Variants in TYMS observed in about 807,000 individuals in gnomAD.
TYMS encodes thymidylate synthase.
TYMS carries 21 observed loss-of-function variants against 39.3 expected under a neutral mutation model. That is an observed-to-expected ratio of 0.54 (90% CI 0.38 to 0.77). The LOEUF is 0.77. Among genes scored for constraint, TYMS ranks in the 30% least tolerant of loss-of-function variants. The probability of loss-of-function intolerance (pLI) is 0.00; values close to 1 mark genes in which losing one functional copy is unlikely to be tolerated. For missense variants in TYMS, 273 were observed against 406.7 expected (o/e 0.67, Z 2.83); for synonymous variants, 171 against 162.2 (o/e 1.05, Z -0.41).
Position 657,689 on chromosome 18 carries a change from TGCCTCCGTCCCGCCGCGCCACTTC to T in TYMS, c.-49_-26del, listed in dbSNP as rs1311548568. The T allele has an allele frequency of 1.5e-4, 193 of 1,249,304 alleles. No individual in the cohort carries two copies. Among genetic ancestry groups the T allele is most frequent in the Non-Finnish European group, 1.8e-4 (178 of 979,504 alleles). 77.4% of individuals were successfully genotyped at this position (1,249,304 alleles called of 1,614,324 possible). A position where few individuals can be genotyped will look rare whatever the true frequency, so the allele number is the denominator to read the frequency against. Reference sequence around the variant, plus strand: ...CTCCGTCCCGCCGCGCCACTTGGCCTGCCTCCGTCCCGCCGCGCCACTTCGCCTGCCTCCGTCCCCCGCCCGCCG... The same window carrying T: ...CTCCGTCCCGCCGCGCCACTTGGCCTGCCTGCCTCCGTCCCCCGCCCGCCG... On this transcript the variant is annotated 5_prime_UTR_variant, in exon 1 of 7. Coordinates refer to ENST00000323274, the MANE Select transcript of TYMS (RefSeq NM_001071.4).
chr18:658,026 G>C lies in TYMS; in HGVS notation c.205+79G>C, dbSNP rs578120349. 1.1e-4 allele frequency: 169 copies of C among 1,534,982 alleles called. 2 individuals carry two copies. In the African/African-American group the frequency reaches 1.8e-3, roughly 16 times the overall value. ...GGGGAGAGCGCTCGGGAGCTGCCGGGCGCTGCGGACCCCGTTTAGTCCTAA... is the reference window on the plus strand; with the variant it reads ...GGGGAGAGCGCTCGGGAGCTGCCGGCCGCTGCGGACCCCGTTTAGTCCTAA... On this transcript the variant is annotated intron_variant, in intron 1 of 6. Transcript: ENST00000323274. This position sits in a 1 kb window ranked among gnomAD's most constrained non-coding sequence, Gnocchi z 4.5.
At chr18:669,028 T>C in intron 3 of TYMS, 44 bp from the exon 4 acceptor site, 4 of 1,510,608 alleles carry the variant, frequency 2.6e-6, no homozygotes, top group Non-Finnish European at 3.7e-6. Flanking sequence ...ATGACATGTG[T>C]GATTAATGTA....
Position 666,921 on chromosome 18 carries a change from AGATGGT to A in TYMS, c.455-2139_455-2134del, listed in dbSNP as rs1269844514. 9.9e-3 allele frequency among the ~76,000 whole-genome samples: 333 copies of A among 33,478 alleles called. 63 individuals carry two copies. Among genetic ancestry groups the A allele is most frequent in the East Asian group, 0.048 (34 of 704 alleles). The allele number at this position is 33,478 out of a possible 152,430, so 22.0% of individuals were successfully genotyped here. A position where few individuals can be genotyped will look rare whatever the true frequency, so the allele number is the denominator to read the frequency against. On this transcript the variant is annotated intron_variant, in intron 3 of 6. Transcript: ENST00000323274. ...GTGATGGAGATGGTGATGGTGATGG[AGATGGT>A]GATGGTGATGGAGATGGTGATGGTG...
Position 671,155 on chromosome 18 carries a change from C to A in TYMS, c.733-225C>A. On this transcript the variant is annotated intron_variant, in intron 5 of 6. Coordinates refer to ENST00000323274, the MANE Select transcript of TYMS (RefSeq NM_001071.4). ...GGTATGGTGGCTCATGCCTGTAATCCCAGCACTTTGGGAGACTGAGACAGG... is the reference window on the plus strand; with the variant it reads ...GGTATGGTGGCTCATGCCTGTAATCACAGCACTTTGGGAGACTGAGACAGG... 3 of 614,106 alleles carry A rather than the reference C, an allele frequency of 4.9e-6. No individual in the cohort carries two copies. In the South Asian group the frequency reaches 6.0e-5, roughly 12 times the overall value. The allele number at this position is 614,106 out of a possible 1,614,324, so 38.0% of individuals were successfully genotyped here. A position where few individuals can be genotyped will look rare whatever the true frequency, so the allele number is the denominator to read the frequency against.
At chr18:659,892 C>T (rs764469994) in intron 2 of TYMS, among the ~76,000 whole-genome samples, 178 bp downstream of exon 2, 1 of 152,028 alleles carries the variant, frequency 6.6e-6, no homozygotes, top group Non-Finnish European at 1.5e-5. Context: ...GCCAACATGG[C>T]GACACCCCAG....
chr18:669,347 A>G (rs1207674450), intron 4 of TYMS, 174 bp downstream of exon 4: 3 of 502,756 alleles, frequency 6.0e-6, no homozygotes, highest in Admixed American at 6.5e-5. Context: ...CCTTCAGATC[A>G]TGAGGTTGGG....
chr18:666,969 T>A (rs369405911), intron 3 of TYMS, among the ~76,000 whole-genome samples: 233 of 13,922 alleles, frequency 0.017, 26 homozygotes, highest in African/African-American at 0.04. Flanking sequence ...ATGGAGATGG[T>A]GATGGAGATG....
intron 3 of TYMS, among the ~76,000 whole-genome samples, chr18:663,613 A>T (rs1477925691): frequency 2.4e-5 from 2 of 83,062 alleles, no homozygotes; most frequent in African/African-American, 8.4e-5. Flanking sequence ...CTGAATGGTA[A>T]TGCCTAGGTT....
rs933162877 is a variant in TYMS at position 658,839 on chromosome 18, A to G, written c.206-802A>G. 4 of 163,584 alleles carry G rather than the reference A, an allele frequency of 2.4e-5. No individual in the cohort carries two copies. The highest frequency in any genetic ancestry group is 5.3e-5 in the Non-Finnish European group (4 of 76,154). The allele number at this position is 163,584 out of a possible 1,614,324, so 10.1% of individuals were successfully genotyped here. A position where few individuals can be genotyped will look rare whatever the true frequency, so the allele number is the denominator to read the frequency against. ...GAGGTGGTTTTGAATGGGGAAACCC[A>G]TTCGTGGTGAAGCAGATTCACTGTA... On this transcript the variant is annotated intron_variant, in intron 1 of 6. Transcript: ENST00000323274. The surrounding 1 kb of genome is among the most constrained non-coding windows in gnomAD (Gnocchi z 4.5).
At position 673,342 on chromosome 18, in the gene TYMS, G is replaced by C; in HGVS notation, c.*345G>C. Reference sequence around the variant, plus strand: ...TTGGTGAATTTCACAAGCTATTTTTGGAATATTTTTAGAATATTTTAAGAA... The same window carrying C: ...TTGGTGAATTTCACAAGCTATTTTTCGAATATTTTTAGAATATTTTAAGAA... On this transcript the variant is annotated 3_prime_UTR_variant, in exon 7 of 7. Coordinates refer to ENST00000323274, the MANE Select transcript of TYMS (RefSeq NM_001071.4). 2 of 231,994 alleles carry C rather than the reference G, an allele frequency of 8.6e-6. 1 individual carries two copies. Among genetic ancestry groups the C allele is most frequent in the Non-Finnish European group, 1.7e-5 (2 of 117,828 alleles). The allele number at this position is 231,994 out of a possible 1,614,324, so 14.4% of individuals were successfully genotyped here.
At chr18:670,571 G>A in intron 4 of TYMS, 121 bp from the exon 5 acceptor site, 1 of 1,043,274 alleles carries the variant, frequency 9.6e-7, no homozygotes, top group Non-Finnish European at 1.4e-6. Flanking sequence ...GCAGCCCAGT[G>A]GCTCTCTCTC....
At position 673,193 on chromosome 18, in the gene TYMS, T is replaced by TGA; in HGVS notation, c.*198_*199dup. ...CAGTTCTTTCCATAATAAAAGGCTTTGAGTTAACTCACTGAGGGTATCTGA... is the reference window on the plus strand; with the variant it reads ...CAGTTCTTTCCATAATAAAAGGCTTTGAGAGTTAACTCACTGAGGGTATCTGA... On this transcript the variant is annotated 3_prime_UTR_variant, in exon 7 of 7. Transcript: ENST00000323274. The TGA allele has an allele frequency of 2.0e-6, 1 of 491,824 alleles. No individual in the cohort carries two copies. The highest frequency in any genetic ancestry group is 3.4e-6 in the Non-Finnish European group (1 of 292,426). The allele number at this position is 491,824 out of a possible 1,614,324, so 30.5% of individuals were successfully genotyped here. A position where few individuals can be genotyped will look rare whatever the true frequency, so the allele number is the denominator to read the frequency against.
intron 3 of TYMS, among the ~76,000 whole-genome samples, chr18:663,192 T>G (rs2074774494): frequency 1.0e-5 from 1 of 95,340 alleles, no homozygotes; most frequent in Non-Finnish European, 1.9e-5. Flanking sequence ...TTCCTGACTT[T>G]TTAATGATTG....
At chr18:665,129 C>A (rs2074796519) in intron 3 of TYMS, among the ~76,000 whole-genome samples, 1 of 149,370 alleles carries the variant, frequency 6.7e-6, no homozygotes, top group Non-Finnish European at 1.5e-5. Context: ...TAGAATTCGG[C>A]TGTGAATCCA....
intron 3 of TYMS, among the ~76,000 whole-genome samples, chr18:666,023 T>C (rs2074808769): frequency 1.0e-5 from 1 of 97,734 alleles, no homozygotes; most frequent in Admixed American, 8.8e-5. Context: ...TGTAGATGTC[T>C]ATTAGGTCCG....
chr18:670,457 G>C (rs1321084779), intron 4 of TYMS: 2 of 523,600 alleles, frequency 3.8e-6, no homozygotes, highest in Non-Finnish European at 6.8e-6. Flanking sequence ...TCTGATGGAA[G>C]AGCATTGCTT....
rs1567985104 is a variant in TYMS at position 657,657 on chromosome 18, G to GGCCTGCCTCCGTCCCGCCGCGCCACTTC, written c.-59_-58insCGCCTGCCTCCGTCCCGCCGCGCCACTT. The GGCCTGCCTCCGTCCCGCCGCGCCACTTC allele has an allele frequency of 5.8e-5, 19 of 325,620 alleles. No individual in the cohort carries two copies. The highest frequency in any genetic ancestry group is 2.5e-4 in the Admixed American group (2 of 8,042). 20.2% of individuals were successfully genotyped at this position (325,620 alleles called of 1,614,324 possible). On this transcript the variant is annotated 5_prime_UTR_variant, in exon 1 of 7. Transcript: ENST00000323274. ...AAGGGGTCCTGCCACCGCGCCACTT[G>GGCCTGCCTCCGTCCCGCCGCGCCACTTC]GCCTGCCTCCGTCCCGCCGCGCCAC...
chr18:670,600 G>A (rs1450861997), intron 4 of TYMS, 92 bp from the exon 5 acceptor site: 2 of 1,399,584 alleles, frequency 1.4e-6, no homozygotes, highest in African/African-American at 1.4e-5. Context: ...CACCATATGA[G>A]TTGGCTTCTG....
rs867591019 is a variant in TYMS at position 667,418 on chromosome 18, T to A, written c.455-1654T>A. Among the ~76,000 whole-genome samples, 7 of 3,714 alleles carry A rather than the reference T, an allele frequency of 1.9e-3. 1 individual carries two copies. Among genetic ancestry groups the A allele is most frequent in the African/African-American group, 6.4e-3 (6 of 938 alleles). The allele number at this position is 3,714 out of a possible 152,430, so 2.4% of individuals were successfully genotyped here. A position where few individuals can be genotyped will look rare whatever the true frequency, so the allele number is the denominator to read the frequency against. ...GAGATGGTGATGGTGATGGTGATGGTGATGGTGATGGAGATGGTGATGGTG... is the reference window on the plus strand; with the variant it reads ...GAGATGGTGATGGTGATGGTGATGGAGATGGTGATGGAGATGGTGATGGTG... On this transcript the variant is annotated intron_variant, in intron 3 of 6. Transcript: ENST00000323274.
Sources: gnomAD v4.1 joint callset for allele counts (sites outside exome capture counted in the v4.1 genomes callset) on GRCh38, gnomAD v4.1.1 for gene constraint, Gnocchi (gnomAD v3.1) non-coding constraint, MANE v1.5 for transcripts, NCBI Gene and HGNC (gene_info 2026-07-23, HGNC 2026-07-21) for gene names.